The following PCDH15 variants were observed in gnomAD, a reference collection of about 807,000 sequenced individuals.
PCDH15 encodes protocadherin-15.
A neutral mutation model predicts 178.5 loss-of-function variants in PCDH15; 129 were observed. The observed-to-expected ratio is 0.72, with a 90% CI of 0.63 to 0.84. The LOEUF is 0.84. Among genes scored for constraint, PCDH15 ranks in the 40% least tolerant of loss-of-function variants. The pLI is 0.00. For missense variants in PCDH15, 2,230 were observed against 2,099.9 expected (o/e 1.06, Z -1.21); for synonymous variants, 800 against 732.0 (o/e 1.09, Z -1.50).
chr10:55,328,222 T>A (rs939975421), intron 2 of PCDH15, among the ~76,000 whole-genome samples: 1 of 145,442 alleles, frequency 6.9e-6, no homozygotes, highest in Non-Finnish European at 1.5e-5. Context: ...TATTTTACAA[T>A]AGGACAAAAC....
intron 14 of PCDH15, among the ~76,000 whole-genome samples, chr10:54,139,833 G>A (rs2043228115): frequency 6.6e-6 from 1 of 152,020 alleles, no homozygotes; most frequent in South Asian, 2.1e-4. Context: ...TATATTTTAG[G>A]AAGGTGATAA....
chr10:54,358,544 C>A (rs1251588843), intron 5 of PCDH15, among the ~76,000 whole-genome samples: 3 of 152,020 alleles, frequency 2.0e-5, no homozygotes, highest in Non-Finnish European at 4.4e-5. Context: ...GAAATAGGAA[C>A]ACTTTTACAC....
chr10:55,129,575 T>G (rs1205990120), intron 2 of PCDH15, among the ~76,000 whole-genome samples: 2 of 152,132 alleles, frequency 1.3e-5, no homozygotes, highest in East Asian at 3.9e-4. Context: ...TTTTGCAAAA[T>G]GAACTGAACT....
intron 20 of PCDH15, among the ~76,000 whole-genome samples, chr10:54,013,887 A>G (rs937700670): frequency 1.3e-5 from 2 of 152,058 alleles, no homozygotes; most frequent in Admixed American, 6.6e-5. Context: ...CTAGCAGAAG[A>G]CAAGAAATAA....
chr10:54,796,278 C>CTATG lies in PCDH15; in HGVS notation c.-29+4643_-29+4646dup, dbSNP rs59394821. 1.7e-4 allele frequency among the ~76,000 whole-genome samples: 19 copies of CTATG among 111,920 alleles called. No individual in the cohort carries two copies. The South Asian group carries it at 2.1e-3, about 12-fold the overall frequency. 73.4% of individuals were successfully genotyped at this position (111,920 alleles called of 152,430 possible). A position where few individuals can be genotyped will look rare whatever the true frequency, so the allele number is the denominator to read the frequency against. On this transcript the variant is annotated intron_variant, in intron 1 of 37. Transcript: ENST00000644397. ...TCTATCTATCTATCTATCTATGTAT[C>CTATG]TATGTATCTATCTATCTATCTATCT...
chr10:54,700,249 A>G (rs1328925339), intron 1 of PCDH15, among the ~76,000 whole-genome samples: 1 of 152,142 alleles, frequency 6.6e-6, no homozygotes, highest in Non-Finnish European at 1.5e-5. Context: ...TTGAAGGAAC[A>G]TCTGCCCACA....
At chr10:53,928,071 T>C (rs1449831651) in intron 25 of PCDH15, among the ~76,000 whole-genome samples, 1 of 152,024 alleles carries the variant, frequency 6.6e-6, no homozygotes, top group African/African-American at 2.4e-5. Context: ...GCAATGAATA[T>C]AGAAATTCAG....
At chr10:53,890,836 C>T (rs1485261773) in intron 26 of PCDH15, among the ~76,000 whole-genome samples, 1 of 152,058 alleles carries the variant, frequency 6.6e-6, no homozygotes, top group Admixed American at 6.5e-5. Context: ...TACAACTAAC[C>T]AGTGCAAATT....
intron 1 of PCDH15, among the ~76,000 whole-genome samples, chr10:54,665,180 T>C (rs1219198306): frequency 6.6e-6 from 1 of 151,692 alleles, no homozygotes; most frequent in African/African-American, 2.4e-5. Flanking sequence ...GGGACAATAG[T>C]GATGGTAGAG....
At chr10:54,116,109 T>C (rs1053288885) in intron 15 of PCDH15, among the ~76,000 whole-genome samples, 5 of 151,844 alleles carry the variant, frequency 3.3e-5, no homozygotes, top group Non-Finnish European at 5.9e-5. Context: ...TCCCAGGAGA[T>C]TGGGGTACAC....
At chr10:54,498,364 A>G (rs373295318) in intron 3 of PCDH15, among the ~76,000 whole-genome samples, 95 of 152,316 alleles carry the variant, frequency 6.2e-4, no homozygotes, top group Non-Finnish European at 1.0e-3. Context: ...ATAAGTACAT[A>G]CTGCACTGAC....
intron 2 of PCDH15, among the ~76,000 whole-genome samples, chr10:55,377,358 T>C (rs1837423698): frequency 6.6e-6 from 1 of 152,050 alleles, no homozygotes; most frequent in East Asian, 1.9e-4. Context: ...AACTATCTTA[T>C]AAAGTCTATC....
Position 54,883,324 on chromosome 10 carries a change from A to AT in PCDH15, c.-29+14125dup, listed in dbSNP as rs1224390367. Among the ~76,000 whole-genome samples, 33 of 152,230 alleles carry AT rather than the reference A, an allele frequency of 2.2e-4. No individual in the cohort carries two copies. In the East Asian group the frequency reaches 2.5e-3, roughly 12 times the overall value. The stretch of plus-strand genomic sequence containing the variant: ...AAGTAAAACCTATTTCAGAACTTCT[A>AT]TAAGTATACATTGTATGGCTTTCCA... On this transcript the variant is annotated intron_variant, in intron 3 of 5. Coordinates refer to the PCDH15 transcript ENST00000458638.
At chr10:54,431,794 C>A (rs1433241700) in intron 3 of PCDH15, among the ~76,000 whole-genome samples, 1 of 152,094 alleles carries the variant, frequency 6.6e-6, no homozygotes, top group Admixed American at 6.5e-5. Context: ...AGCACCCCAA[C>A]TGGAAAGAAA....
At chr10:54,801,813 G>A (rs944653233), upstream of PCDH15, among the ~76,000 whole-genome samples, 1 of 152,118 alleles carries the variant, frequency 6.6e-6, no homozygotes, top group African/African-American at 2.4e-5. Flanking sequence ...AGGTTATCAC[G>A]AAGAAATATA....
intron 3 of PCDH15, among the ~76,000 whole-genome samples, chr10:54,818,638 T>C (rs1428490063): frequency 6.6e-6 from 1 of 152,008 alleles, no homozygotes; most frequent in African/African-American, 2.4e-5. Context: ...ACAGAATAAA[T>C]GAAGAGTTTC....
chr10:54,140,764 C>G lies in PCDH15; in HGVS notation c.1785-7757G>C, dbSNP rs531885626. Among the ~76,000 whole-genome samples, 6 of 152,100 alleles carry G rather than the reference C, an allele frequency of 3.9e-5. No homozygotes were observed. In the East Asian group the frequency reaches 1.2e-3, roughly 30 times the overall value. On this transcript the variant is annotated intron_variant, in intron 14 of 37. Coordinates refer to ENST00000644397, the MANE Select transcript of PCDH15 (RefSeq NM_001384140.1). ...GTGGCACAATCTTGGCTCACTGCAA[C>G]CTCCACCTCCCAGGTTCAAGCAATT...
At chr10:53,871,905 G>T (rs113888382) in intron 26 of PCDH15, among the ~76,000 whole-genome samples, 1,867 of 151,998 alleles carry the variant, frequency 0.012, 31 homozygotes, top group African/African-American at 0.042. Context: ...AGGCACTTTG[G>T]GAGGCTGAGG....
chr10:54,870,455 A>G (rs906789072), intron 3 of PCDH15, among the ~76,000 whole-genome samples: 6 of 152,138 alleles, frequency 3.9e-5, no homozygotes, highest in Admixed American at 3.9e-4. Context: ...AAACACCTAA[A>G]GTCACTGAGT....
Sources: gnomAD v4.1 joint callset for allele counts (sites outside exome capture counted in the v4.1 genomes callset) on GRCh38, gnomAD v4.1.1 for gene constraint, MANE v1.5 for transcripts, NCBI Gene and HGNC (gene_info 2026-07-23, HGNC 2026-07-21) for gene names.